RNF144A: variants seen among roughly 807,000 people sequenced by gnomAD.
RNF144A encodes the protein ring finger protein 144A.
In RNF144A, 11 loss-of-function variants were observed where a neutral mutation model predicts 38.7. The ratio of observed to expected loss-of-function variants is 0.28; its 90% CI spans 0.18 to 0.47. The LOEUF (loss-of-function observed/expected upper bound fraction) is 0.47, where lower values mean the gene tolerates loss of function less well. RNF144A is among the 20% of genes least tolerant of loss of function. The pLI is 0.99. For synonymous variants in RNF144A, 149 were observed against 143.9 expected, an observed-to-expected ratio of 1.04 and a Z score of -0.25; for missense variants, 316 against 377.2, an observed-to-expected ratio of 0.84 and a Z score of 1.34.
chr2:6,956,257 G>T (rs574649253), intron 2 of RNF144A, among the ~76,000 whole-genome samples: 1 of 151,660 alleles, frequency 6.6e-6, no homozygotes, highest in African/African-American at 2.4e-5. Context: ...GGGGGGTGGG[G>T]GATAAGGTGC....
At chr2:7,054,197 A>G (rs748631108) in intron 6 of RNF144A, among the ~76,000 whole-genome samples, 15 of 152,158 alleles carry the variant, frequency 9.9e-5, no homozygotes, top group Non-Finnish European at 2.2e-4. Flanking sequence ...CTGATGAGAG[A>G]ACAGTGTGAG....
At chr2:6,942,067 G>C (rs1666029084) in intron 2 of RNF144A, among the ~76,000 whole-genome samples, 1 of 152,268 alleles carries the variant, frequency 6.6e-6, no homozygotes, top group Admixed American at 6.5e-5. Context: ...ATAAACTGTA[G>C]AAGGTGGAGG....
At chr2:6,976,008 A>G (rs917877604) in intron 2 of RNF144A, among the ~76,000 whole-genome samples, 3 of 152,142 alleles carry the variant, frequency 2.0e-5, no homozygotes, top group Admixed American at 2.0e-4. Context: ...ACAGTATTCC[A>G]TTGTGCAGAC....
At chr2:6,976,765 T>A (rs989779612) in intron 2 of RNF144A, among the ~76,000 whole-genome samples, 2 of 151,796 alleles carry the variant, frequency 1.3e-5, no homozygotes, top group Non-Finnish European at 2.9e-5. Flanking sequence ...ACCCTTTCCT[T>A]TGTCTGTTGT....
At chr2:7,016,759 C>T (rs1330829747) in intron 5 of RNF144A, among the ~76,000 whole-genome samples, 3 of 152,022 alleles carry the variant, frequency 2.0e-5, no homozygotes, top group African/African-American at 7.3e-5. Flanking sequence ...CAAATTTTGA[C>T]TGTCTCTATG....
Position 7,041,446 on chromosome 2 carries a change from T to C in RNF144A, c.*1686T>C, listed in dbSNP as rs2103464292. On this transcript the variant is annotated 3_prime_UTR_variant, in exon 9 of 9. Coordinates refer to ENST00000320892, the MANE Select transcript of RNF144A (RefSeq NM_014746.6). Reference sequence around the variant, plus strand: ...AAATCCCTGTGTGTCAAAATTACATTCAAAAAGCTCTCCTTGTAATTGCAA... The same window carrying C: ...AAATCCCTGTGTGTCAAAATTACATCCAAAAAGCTCTCCTTGTAATTGCAA... 1.0e-6 allele frequency: 1 copy of C among 985,888 alleles called. No individual in the cohort carries two copies. The highest frequency in any genetic ancestry group is 1.2e-6 in the Non-Finnish European group (1 of 829,928). The allele number at this position is 985,888 out of a possible 1,614,324, so 61.1% of individuals were successfully genotyped here. A position where few individuals can be genotyped will look rare whatever the true frequency, so the allele number is the denominator to read the frequency against.
intron 7 of RNF144A, among the ~76,000 whole-genome samples, chr2:7,026,831 C>T (rs760738811): frequency 2.0e-5 from 3 of 152,174 alleles, no homozygotes; most frequent in African/African-American, 4.8e-5. Flanking sequence ...AAGCAGGTTC[C>T]GCCCCTTGCT....
intron 5 of RNF144A, 46 bp downstream of exon 5, chr2:7,014,818 A>T: frequency 7.3e-7 from 1 of 1,368,424 alleles, no homozygotes. Context: ...GTAATGTGTG[A>T]ATGTGGATAA....
intron 2 of RNF144A, among the ~76,000 whole-genome samples, chr2:6,973,128 G>T (rs1024457937): frequency 3.3e-5 from 5 of 152,200 alleles, no homozygotes; most frequent in African/African-American, 1.2e-4. Context: ...TACAACTAAT[G>T]CAGGTTCAGA....
At chr2:7,071,967 C>T (rs1196924503), downstream of RNF144A, among the ~76,000 whole-genome samples, 2 of 152,202 alleles carry the variant, frequency 1.3e-5, no homozygotes, top group African/African-American at 4.8e-5. Flanking sequence ...TCGACAGGCT[C>T]CAGCCCACCC....
Position 7,042,318 on chromosome 2 carries a change from A to T in RNF144A, c.*2558A>T. On this transcript the variant is annotated 3_prime_UTR_variant, in exon 9 of 9. Coordinates refer to ENST00000320892, the MANE Select transcript of RNF144A (RefSeq NM_014746.6). ...GATCTTGCCATCATTCCCCAGTAAA[A>T]CCTGGGGAGTTCTGCGTTGAGTGGA... 5.1e-6 allele frequency: 5 copies of T among 985,336 alleles called. No individual in the cohort carries two copies. The highest frequency in any genetic ancestry group is 6.0e-6 in the Non-Finnish European group (5 of 829,912). The allele number at this position is 985,336 out of a possible 1,614,324, so 61.0% of individuals were successfully genotyped here.
intron 3 of RNF144A, among the ~76,000 whole-genome samples, chr2:7,004,912 CA>C (rs985033648): frequency 1.4e-4 from 21 of 151,888 alleles, no homozygotes; most frequent in Non-Finnish European, 2.4e-4. Flanking sequence ...AATGGCCCTC[CA>C]AAAAAAATGT....
chr2:7,024,244 T>G lies in RNF144A; in HGVS notation c.510-125T>G. On this transcript the variant is annotated intron_variant, in intron 6 of 8. Transcript: ENST00000320892. The stretch of plus-strand genomic sequence containing the variant: ...TCTTTGTTTTTTGGTTTTTGTTTTG[T>G]TTTTTCATTTAATACCAAGAAAACT... The G allele has an allele frequency of 4.5e-6, 4 of 884,710 alleles. No homozygotes were observed. The South Asian group carries it at 1.5e-4, about 34-fold the overall frequency. The allele number at this position is 884,710 out of a possible 1,614,324, so 54.8% of individuals were successfully genotyped here.
At chr2:7,016,633 T>A (rs1331904360) in intron 5 of RNF144A, among the ~76,000 whole-genome samples, 2 of 151,186 alleles carry the variant, frequency 1.3e-5, no homozygotes, top group African/African-American at 4.9e-5. Flanking sequence ...TTTTTAAGTA[T>A]TCAGACTTCA....
downstream of RNF144A, among the ~76,000 whole-genome samples, chr2:7,048,081 C>A (rs776349200): frequency 1.5e-4 from 23 of 152,120 alleles, no homozygotes; most frequent in Non-Finnish European, 3.1e-4. Flanking sequence ...AGATCGCATC[C>A]CAGGAGAAGA....
At chr2:6,971,260 C>T (rs945327076) in intron 2 of RNF144A, among the ~76,000 whole-genome samples, 1 of 152,136 alleles carries the variant, frequency 6.6e-6, no homozygotes, top group East Asian at 1.9e-4. Flanking sequence ...CTTTAATATT[C>T]CTTCAGTTGT....
intron 2 of RNF144A, among the ~76,000 whole-genome samples, chr2:6,972,880 A>ATAGTT (rs1164738978): frequency 6.6e-6 from 1 of 152,196 alleles, no homozygotes; most frequent in Non-Finnish European, 1.5e-5. Flanking sequence ...AGTGGGGGTA[A>ATAGTT]TAGTTATAAT....
intron 3 of RNF144A, among the ~76,000 whole-genome samples, chr2:7,002,848 TGAGA>T (rs1670199320): frequency 3.3e-5 from 5 of 152,182 alleles, no homozygotes; most frequent in African/African-American, 1.2e-4. Context: ...TAATCTCATA[TGAGA>T]TGACAGCTCC....
At chr2:7,055,898 C>T (rs1290660689) in intron 6 of RNF144A, among the ~76,000 whole-genome samples, 1 of 152,166 alleles carries the variant, frequency 6.6e-6, no homozygotes, top group Non-Finnish European at 1.5e-5. Flanking sequence ...CTTGCTTCCT[C>T]TCATTGTTTA....
Sources: gnomAD v4.1 joint callset for allele counts (sites outside exome capture counted in the v4.1 genomes callset) on GRCh38, gnomAD v4.1.1 for gene constraint, MANE v1.5 for transcripts, NCBI Gene and HGNC (gene_info 2026-07-23, HGNC 2026-07-21) for gene names.